DDX60: variants seen among roughly 807,000 people sequenced by gnomAD.
DDX60 encodes the protein probable ATP-dependent RNA helicase DDX60.
DDX60 carries 165 observed loss-of-function variants against 212.8 expected under a neutral mutation model. The observed-to-expected ratio is 0.78, with a 90% CI of 0.68 to 0.88. The LOEUF (loss-of-function observed/expected upper bound fraction) is 0.88. Ranked by LOEUF, DDX60 falls within the 40% of genes least tolerant of loss-of-function variation. The probability of loss-of-function intolerance (pLI) is 0.00; values close to 1 mark genes in which losing one functional copy is unlikely to be tolerated. For synonymous variants in DDX60, 703 were observed against 685.3 expected (o/e 1.03, Z -0.40); for missense variants, 1,905 against 2,003.9 (o/e 0.95, Z 0.94).
intron 22 of DDX60, among the ~76,000 whole-genome samples, chr4:168,264,467 C>T (rs1019911221): frequency 3.9e-5 from 6 of 152,208 alleles, no homozygotes; most frequent in African/African-American, 7.2e-5. Context: ...GTTACTTATT[C>T]GACCTATCTA....
In DDX60 at chr4:168,260,884, A is replaced by C. The variant is rs1193539522; in HGVS notation, c.3379T>G (p.Leu1127Val). ...ACTTACAAAAAAAATAGTGCAGGTA[A>C]CTTCTCCATTTTCCTTAGTTTTTCA... Reference protein sequence around the residue: ...LVEKLRKMEKLPALFFLFKLG... With the variant: ...LVEKLRKMEKVPALFFLFKLG... Residue 1127 changes from leucine to valine, a missense_variant, in exon 25 of 38, where the codon TTA (leucine) becomes GTA (valine). By Grantham distance (32) the Leu-to-Val change is conservative. Transcript: ENST00000393743. 2 of 1,605,498 alleles carry C rather than the reference A, an allele frequency of 1.2e-6. No individual in the cohort carries two copies. The highest frequency in any genetic ancestry group is 4.5e-5 in the East Asian group (2 of 44,796).
rs1397607492 is a variant in DDX60, at chr4:168,275,616, T to C, written c.2146-113A>G. 8 of 898,808 alleles carry C rather than the reference T, an allele frequency of 8.9e-6. No homozygotes were observed. In the East Asian group the frequency reaches 2.0e-4, roughly 23 times the overall value. The allele number at this position is 898,808 out of a possible 1,614,324, so 55.7% of individuals were successfully genotyped here. ...TATGTGAAAAGCATTTTACCACCTT[T>C]TAAATTTAAATTTTTTAAATCATTG... On this transcript the variant is annotated intron_variant, in intron 15 of 37. Transcript: ENST00000393743.
chr4:168,222,570 T>A (rs1204462882), intron 35 of DDX60, among the ~76,000 whole-genome samples: 1 of 152,118 alleles, frequency 6.6e-6, no homozygotes, highest in African/African-American at 2.4e-5. Context: ...ATGCAAATTA[T>A]AAACTGCAGC....
intron 9 of DDX60, among the ~76,000 whole-genome samples, chr4:168,287,803 C>G (rs891092769): frequency 1.3e-5 from 2 of 151,902 alleles, no homozygotes; most frequent in Non-Finnish European, 2.9e-5. Context: ...TTAGCCTTAT[C>G]TTTTGGAAAA....
At chr4:168,223,364 G>C (rs1403113186) in intron 35 of DDX60, among the ~76,000 whole-genome samples, 2 of 152,020 alleles carry the variant, frequency 1.3e-5, no homozygotes, top group East Asian at 3.9e-4. Flanking sequence ...CTCTAGTAAA[G>C]TAAATTTGTA....
intron 14 of DDX60, among the ~76,000 whole-genome samples, chr4:168,276,786 C>T (rs991943504): frequency 6.6e-6 from 1 of 152,166 alleles, no homozygotes; most frequent in Non-Finnish European, 1.5e-5. Flanking sequence ...ACCTATTTAA[C>T]AATATTAACT....
intron 6 of DDX60, among the ~76,000 whole-genome samples, chr4:168,298,354 A>G (rs1736500017): frequency 6.6e-6 from 1 of 152,172 alleles, no homozygotes; most frequent in South Asian, 2.1e-4. Context: ...ACACACAACT[A>G]AAACAAAGTG....
chr4:168,297,305 A>G (rs1196223486), intron 6 of DDX60, among the ~76,000 whole-genome samples: 1 of 12,826 alleles, frequency 7.8e-5, no homozygotes, highest in Non-Finnish European at 1.3e-4. Flanking sequence ...GACGAAAGAA[A>G]GAAAGAAAGA....
chr4:168,293,483 A>G (rs1736198343), intron 7 of DDX60, among the ~76,000 whole-genome samples: 1 of 152,198 alleles, frequency 6.6e-6, no homozygotes, highest in South Asian at 2.1e-4. Context: ...GCATACAAAA[A>G]GCCCAAAACA....
chr4:168,282,671 G>C (rs939312999), intron 13 of DDX60, among the ~76,000 whole-genome samples: 2 of 152,050 alleles, frequency 1.3e-5, no homozygotes, highest in African/African-American at 4.8e-5. Context: ...GCCACAGAAA[G>C]ATACTAAAGC....
intron 33 of DDX60, among the ~76,000 whole-genome samples, chr4:168,234,068 T>C (rs1326246326): frequency 6.6e-6 from 1 of 152,098 alleles, no homozygotes. Flanking sequence ...CTTCCATTAT[T>C]TTGATTAAAA....
chr4:168,297,740 A>T (rs1736468036), intron 6 of DDX60, among the ~76,000 whole-genome samples: 1 of 125,176 alleles, frequency 8.0e-6, no homozygotes, highest in South Asian at 2.6e-4. Context: ...CTCATTTCTA[A>T]TAAAAATTAG....
intron 33 of DDX60, among the ~76,000 whole-genome samples, chr4:168,233,553 T>C (rs78126904): frequency 0.031 from 4,703 of 152,194 alleles, 223 homozygotes; most frequent in African/African-American, 0.11. Flanking sequence ...ATAAGAGCAT[T>C]CACAAGCAAC....
At position 168,306,669 on chromosome 4, in the gene DDX60, C is replaced by T. The variant is rs1003785798; in HGVS notation, c.316G>A (p.Ala106Thr). Residue 106 changes from alanine (A) to threonine (T), a missense_variant, in exon 5 of 38, where the codon GCT (alanine) becomes ACT (threonine). Physicochemically the swap from Ala to Thr is moderately conservative, Grantham distance 58. Transcript: ENST00000393743. ...TTCTTCTGAAGATGAAGAATTAAAG[C>T]AGTTCTCAAAGAAAGAAGTTCAGGG... Reference protein sequence around the residue: ...NFPELLSLRTALILHLQKNTT... With the variant: ...NFPELLSLRTTLILHLQKNTT... 4 of 1,613,928 alleles carry T rather than the reference C, an allele frequency of 2.5e-6. No homozygotes were observed. The highest frequency in any genetic ancestry group is 3.3e-5 in the Admixed American group (2 of 59,986).
In DDX60 at chr4:168,250,857, A is replaced by C. The variant is rs571274418; in HGVS notation, c.3858+97T>G. On this transcript the variant is annotated intron_variant, in intron 28 of 37. Transcript: ENST00000393743. ...TTTTTTAAAAGACAATTACATGAGA[A>C]AAAAAGAAAAATGGTGGTTGTATTC... 1.4e-4 allele frequency: 155 copies of C among 1,099,832 alleles called. 1 individual carries two copies. In the African/African-American group the frequency reaches 2.5e-3, roughly 18 times the overall value. The allele number at this position is 1,099,832 out of a possible 1,614,324, so 68.1% of individuals were successfully genotyped here. A position where few individuals can be genotyped will look rare whatever the true frequency, so the allele number is the denominator to read the frequency against.
intron 16 of DDX60, 101 bp from the exon 17 acceptor site, chr4:168,274,184 A>G (rs1735227761): frequency 7.0e-7 from 1 of 1,421,576 alleles, no homozygotes; most frequent in Non-Finnish European, 9.6e-7. Flanking sequence ...CTGAACCTCA[A>G]AGGATCTGTA....
intron 6 of DDX60, among the ~76,000 whole-genome samples, chr4:168,301,191 A>G (rs995689176): frequency 4.6e-5 from 7 of 152,218 alleles, no homozygotes; most frequent in African/African-American, 1.7e-4. Context: ...CTCATGATTG[A>G]AGAGAGAAAT....
Position 168,223,900 on chromosome 4 carries a change from G to A in DDX60, c.4824+343C>T, listed in dbSNP as rs996786334. On this transcript the variant is annotated intron_variant, in intron 35 of 37. Transcript: ENST00000393743. ...ATTTTAGGCATCAATGATGCAGACTGTAAGTAGTATTTACAGCATTTATAG... is the reference window on the plus strand; with the variant it reads ...ATTTTAGGCATCAATGATGCAGACTATAAGTAGTATTTACAGCATTTATAG... Among the ~76,000 whole-genome samples the A allele has an allele frequency of 2.6e-5, 4 of 152,026 alleles. No individual in the cohort carries two copies. The South Asian group carries it at 8.3e-4, about 31-fold the overall frequency.
intron 4 of DDX60, 26 bp downstream of exon 4, chr4:168,307,980 A>G (rs1301572350): frequency 3.4e-6 from 5 of 1,450,180 alleles, no homozygotes; most frequent in Non-Finnish European, 2.7e-6. Context: ...CTCATATTAT[A>G]AAAAAGAACT....
Sources: allele counts gnomAD v4.1 joint callset (sites outside exome capture counted in the v4.1 genomes callset), GRCh38; gene constraint gnomAD v4.1.1; transcripts MANE v1.5; gene names NCBI Gene and HGNC (gene_info 2026-07-23, HGNC 2026-07-21).